Variants in CFAP65 observed in about 807,000 individuals in gnomAD.
CFAP65 encodes cilia and flagella associated protein 65, also known as cilia- and flagella-associated protein 65.
A neutral mutation model predicts 208.0 loss-of-function variants in CFAP65; 155 were observed. The ratio of observed to expected loss-of-function variants is 0.75; its 90% CI spans 0.65 to 0.85. CFAP65 has a LOEUF of 0.85. Ranked by LOEUF, CFAP65 falls within the 40% of genes least tolerant of loss-of-function variation. The pLI is 0.00. For synonymous variants in CFAP65, 970 were observed against 986.3 expected (o/e 0.98, Z 0.31); for missense variants, 2,294 against 2,451.3 (o/e 0.94, Z 1.36).
intron 21 of CFAP65, among the ~76,000 whole-genome samples, chr2:219,017,311 C>T (rs980197128): frequency 3.3e-5 from 5 of 152,232 alleles, no homozygotes; most frequent in Admixed American, 6.5e-5. Context: ...AGCAGAGGCG[C>T]GAAGGGGAGA....
Position 219,003,332 on chromosome 2 carries a change from G to T in CFAP65, c.5556-60C>A, listed in dbSNP as rs114331223. 7.3e-4 allele frequency: 1,068 copies of T among 1,469,398 alleles called. 7 individuals carry two copies. The African/African-American group carries it at 0.014, about 19-fold the overall frequency. The allele number at this position is 1,469,398 out of a possible 1,614,324, so 91.0% of individuals were successfully genotyped here. A position where few individuals can be genotyped will look rare whatever the true frequency, so the allele number is the denominator to read the frequency against. On this transcript the variant is annotated intron_variant, in intron 33 of 34. Coordinates refer to ENST00000341552, the MANE Select transcript of CFAP65 (RefSeq NM_194302.4). This position sits in a 1 kb window ranked among gnomAD's most constrained non-coding sequence, Gnocchi z 4.4. ...GCAGTGCCCGCGCGCCTCCTCGCTC[G>T]CCTGTCCGTGCGGTACATTGTGCCG...
At chr2:219,013,769 G>A in intron 22 of CFAP65, 99 bp downstream of exon 22, 1 of 1,255,056 alleles carries the variant, frequency 8.0e-7, no homozygotes, top group South Asian at 1.3e-5. Context: ...GTCCTCCCAG[G>A]GAATGGCCAT....
chr2:219,006,521 G>T lies in CFAP65; in HGVS notation c.4675-12C>A. The T allele has an allele frequency of 6.2e-7, 1 of 1,613,398 alleles. No individual in the cohort carries two copies. The highest frequency in any genetic ancestry group is 8.5e-7 in the Non-Finnish European group (1 of 1,179,862). ...CAGCATGTTCTCTTCTGTGGAAAAA[G>T]AGAGATCCTTGCTTAAGATACAAGA... On this transcript the variant is annotated splice_polypyrimidine_tract_variant and intron_variant, in intron 29 of 34. Transcript: ENST00000341552.
chr2:219,018,273 G>A (rs1470530323), intron 21 of CFAP65: 2 of 152,196 alleles, frequency 1.3e-5, no homozygotes, highest in African/African-American at 4.8e-5. Context: ...TCATCAAAAG[G>A]AGTTTACTAG....
chr2:219,038,994 G>C lies in CFAP65; in HGVS notation c.55C>G (p.Pro19Ala), dbSNP rs200911371. Reference sequence around the variant, plus strand: ...AAAGAAGAGGCAAATGAGACTGATGGATTCTCCACCTTCTGGGTTTTCTCC... The same window carrying C: ...AAAGAAGAGGCAAATGAGACTGATGCATTCTCCACCTTCTGGGTTTTCTCC... ...LVEKTQKVEN[P>A]SVSFASSFPL... Residue 19 changes from proline (P) to alanine (A), a missense_variant, in exon 3 of 35, where the codon CCA (proline) becomes GCA (alanine). By Grantham distance (27) the Pro-to-Ala change is conservative. Transcript: ENST00000341552. The C allele has an allele frequency of 1.9e-5, 31 of 1,613,736 alleles. No individual in the cohort carries two copies. The highest frequency in any genetic ancestry group is 2.6e-5 in the Non-Finnish European group (31 of 1,179,780).
intron 11 of CFAP65, among the ~76,000 whole-genome samples, chr2:219,028,995 G>A (rs928065729): frequency 1.3e-5 from 2 of 152,226 alleles, no homozygotes; most frequent in Admixed American, 6.5e-5. Context: ...GGGACCTAGG[G>A]TTGGGGTCTA....
intron 21 of CFAP65, among the ~76,000 whole-genome samples, chr2:219,016,326 A>C (rs1946882873): frequency 1.8e-5 from 2 of 109,872 alleles, no homozygotes; most frequent in African/African-American, 3.8e-5. Context: ...AGACAGTCTC[A>C]CTCTGTCACC....
At chr2:219,018,041 G>A (rs1167965540) in intron 21 of CFAP65, among the ~76,000 whole-genome samples, 2 of 152,142 alleles carry the variant, frequency 1.3e-5, no homozygotes, top group Non-Finnish European at 2.9e-5. Context: ...GGCTGCTAGT[G>A]CCCATCTGAT....
At chr2:219,033,566 G>T (rs1948180624) in intron 5 of CFAP65, 2 of 152,120 alleles carry the variant, frequency 1.3e-5, no homozygotes, top group Admixed American at 1.3e-4. Context: ...GAAGAAATTA[G>T]ATAAACTTTA....
At position 219,039,179 on chromosome 2, in the gene CFAP65, A is replaced by G. The variant is rs1236924062; in HGVS notation, c.-2-129T>C. The G allele has an allele frequency of 3.9e-6, 3 of 768,488 alleles. No homozygotes were observed. In the Admixed American group the frequency reaches 9.3e-5, roughly 24 times the overall value. 47.6% of individuals were successfully genotyped at this position (768,488 alleles called of 1,614,324 possible). On this transcript the variant is annotated intron_variant, in intron 2 of 34. Coordinates refer to ENST00000341552, the MANE Select transcript of CFAP65 (RefSeq NM_194302.4). ...TGTATATATGCCAGATGCTATGTAT[A>G]TGCCAGATGCTATGTATGCATACAT...
intron 5 of CFAP65, chr2:219,035,154 T>C (rs982099487): frequency 3.7e-5 from 22 of 588,374 alleles, no homozygotes; most frequent in Middle Eastern, 4.1e-4. Flanking sequence ...GCCTTCATAG[T>C]ACCTGGTATT....
At chr2:219,009,800 A>G (rs1574533781) in intron 27 of CFAP65, 142 bp downstream of exon 27, 1 of 200,394 alleles carries the variant, frequency 5.0e-6, no homozygotes, top group Non-Finnish European at 7.4e-6. Flanking sequence ...ATAGGGTGGG[A>G]TGGGATGGAG....
Position 219,030,767 on chromosome 2 carries a change from G to GA in CFAP65, c.1082dup (p.Gln362ProfsTer34). The stretch of plus-strand genomic sequence containing the variant: ...CAGAGCCAAAGTACAACAGCTTCTG[G>GA]AAGCCCTCGGCATCCTGGTCCTCCG... On this transcript the variant is annotated frameshift_variant, in exon 9 of 35. Transcript: ENST00000341552. LOFTEE classifies it high-confidence loss of function. 6.2e-7 allele frequency: 1 copy of GA among 1,614,196 alleles called. No individual in the cohort carries two copies. The highest frequency in any genetic ancestry group is 8.5e-7 in the Non-Finnish European group (1 of 1,180,028).
Position 219,021,275 on chromosome 2 carries a change from G to A in CFAP65, c.3136C>T (p.Gln1046Ter). 1 of 1,590,864 alleles carries A rather than the reference G, an allele frequency of 6.3e-7. No homozygotes were observed. Among genetic ancestry groups the A allele is most frequent in the South Asian group, 1.2e-5 (1 of 86,242 alleles). ...ATGCTCCCCTCTGTTCGGTCCAGCT[G>A]CAGAGCTGCTCAGGGATGATGCCGG... The part of the protein sequence containing the change: ...EAVDNHPLAL[Q>*]LDRTEGSMPP... Residue 1046 changes from glutamine to a stop codon, truncating the protein, a stop_gained, in exon 19 of 35, where the codon CAG becomes TAG. Transcript: ENST00000341552. LOFTEE classifies it high-confidence loss of function.
chr2:219,010,081 A>G lies in CFAP65; in HGVS notation c.4313T>C (p.Val1438Ala), dbSNP rs1946364234. The G allele has an allele frequency of 6.3e-7, 1 of 1,594,228 alleles. No homozygotes were observed. Among genetic ancestry groups the G allele is most frequent in the Non-Finnish European group, 8.5e-7 (1 of 1,170,060 alleles). ...HSRLVVPGQN[V>A]FLSQSHISLG... is the part of the protein sequence containing the mutation. ...GGAAATATGAGACTGGGACAGGAAG[A>G]CATTCTGTGGGTGGAGAGCGGAGGT... is the stretch of plus-strand genomic sequence containing the variant. The change falls in exon 27 of 35, where the codon GTC (valine) becomes GCC (alanine). Residue 1438 changes from valine to alanine, a missense_variant. This residue lies in a region of CFAP65 where 1,427 missense variants were observed against 1,438.7 expected (regional missense o/e 0.99). Coordinates refer to ENST00000341552, the MANE Select transcript of CFAP65 (RefSeq NM_194302.4).
Position 219,037,947 on chromosome 2 carries a change from C to A in CFAP65, c.357+428G>T, listed in dbSNP as rs1009753585. 3.9e-4 allele frequency among the ~76,000 whole-genome samples: 60 copies of A among 152,326 alleles called. 1 individual carries two copies. Among genetic ancestry groups the A allele is most frequent in the African/African-American group, 1.4e-3 (58 of 41,576 alleles). On this transcript the variant is annotated intron_variant, in intron 4 of 34. Coordinates refer to ENST00000341552, the MANE Select transcript of CFAP65 (RefSeq NM_194302.4). ...CAGTATCCATACATTATTGGTCAAA[C>A]ACAAAGTCCTAGGGGTCAAGGCCGG... is the stretch of plus-strand genomic sequence containing the variant.
chr2:219,009,014 C>T, intron 29 of CFAP65, 33 bp downstream of exon 29: 1 of 1,564,476 alleles, frequency 6.4e-7, no homozygotes, highest in African/African-American at 1.4e-5. Flanking sequence ...TCAGAAAGAT[C>T]TGGGTGTTTG....
rs1946243074 is a variant in CFAP65 at position 219,009,100 on chromosome 2, C to T, written c.4621G>A (p.Asp1541Asn). 2 of 1,612,880 alleles carry T rather than the reference C, an allele frequency of 1.2e-6. No individual in the cohort carries two copies. The highest frequency in any genetic ancestry group is 1.7e-6 in the Non-Finnish European group (2 of 1,179,990). ...QYHKELQEWK[D>N]EKVRQEVEFT... ...TCCACTTCCTGCCGCACCTTCTCGT[C>T]CTTCCACTCCTGCAGCTCCTTGTGA... is the stretch of plus-strand genomic sequence containing the variant. Residue 1541 changes from aspartate to asparagine, a missense_variant, in exon 29 of 35, where the codon GAC becomes AAC. Around this residue, in one of 2 missense-constraint regions of CFAP65, gnomAD observed 1,427 missense variants for 1,438.7 expected, o/e 0.99. Transcript: ENST00000341552.
intron 21 of CFAP65, chr2:219,018,719 G>A (rs974129229): frequency 1.0e-5 from 3 of 297,850 alleles, no homozygotes; most frequent in African/African-American, 2.1e-5. Context: ...AGGATTGGAG[G>A]AGAAAAGACT....
Sources: allele counts gnomAD v4.1 joint callset (sites outside exome capture counted in the v4.1 genomes callset), GRCh38; gene constraint gnomAD v4.1.1; regional missense constraint gnomAD v4.1.1; non-coding constraint Gnocchi (gnomAD v3.1); transcripts MANE v1.5; gene names NCBI Gene and HGNC (gene_info 2026-07-23, HGNC 2026-07-21).